Variants in CADM2 observed in about 807,000 individuals in gnomAD.
CADM2 encodes immunoglobulin superfamily member 4D.
A neutral mutation model predicts 49.8 loss-of-function variants in CADM2; 12 were observed. The ratio of observed to expected loss-of-function variants is 0.24; its 90% CI spans 0.15 to 0.39. CADM2 has a LOEUF of 0.39. Ranked by LOEUF, CADM2 falls within the 10% of genes least tolerant of loss-of-function variation. The pLI, the probability that CADM2 is intolerant of heterozygous loss-of-function variation, is 1.00. For missense variants in CADM2, 378 were observed against 492.3 expected (o/e 0.77, Z 2.20); for synonymous variants, 214 against 175.4 (o/e 1.22, Z -1.74).
intron 5 of CADM2, among the ~76,000 whole-genome samples, chr3:85,911,287 A>T (rs1484014512): frequency 6.6e-6 from 1 of 152,174 alleles, no homozygotes; most frequent in East Asian, 1.9e-4. Context: ...CAGCTACTTC[A>T]GACTTGAGAA....
intron 1 of CADM2, among the ~76,000 whole-genome samples, chr3:85,659,076 A>ATAC (rs1489340419): frequency 1.3e-5 from 2 of 148,758 alleles, no homozygotes; most frequent in African/African-American, 4.9e-5. Flanking sequence ...AATAATAATA[A>ATAC]TAATAATAAC....
intron 3 of CADM2, among the ~76,000 whole-genome samples, chr3:85,837,446 AT>A (rs1379991546): frequency 1.3e-5 from 2 of 151,654 alleles, no homozygotes; most frequent in Middle Eastern, 3.2e-3. Context: ...AGATTTCGCA[AT>A]ATTAAGGAAG....
chr3:85,564,951 G>C (rs1335074001), intron 1 of CADM2, among the ~76,000 whole-genome samples: 2 of 152,040 alleles, frequency 1.3e-5, no homozygotes, highest in Admixed American at 1.3e-4. Flanking sequence ...AAAGACACAA[G>C]GTATATAGCT....
intron 1 of CADM2, among the ~76,000 whole-genome samples, chr3:85,420,470 T>C (rs942583221): frequency 1.3e-5 from 2 of 152,180 alleles, no homozygotes; most frequent in African/African-American, 4.8e-5. Context: ...ATGATGAAAT[T>C]TGTAGAATTT....
At chr3:85,054,958 T>C (rs2036023057) in intron 1 of CADM2, among the ~76,000 whole-genome samples, 1 of 151,916 alleles carries the variant, frequency 6.6e-6, no homozygotes. Flanking sequence ...TACCACAGCA[T>C]GCAGTAGTTG....
intron 1 of CADM2, among the ~76,000 whole-genome samples, chr3:85,573,490 C>T (rs1181957054): frequency 1.3e-5 from 2 of 152,256 alleles, no homozygotes; most frequent in South Asian, 2.1e-4. Flanking sequence ...GTGTGAGCCA[C>T]CGCTCCCAGC....
chr3:85,294,541 A>G (rs1388405511), intron 1 of CADM2, among the ~76,000 whole-genome samples: 2 of 152,108 alleles, frequency 1.3e-5, no homozygotes, highest in African/African-American at 4.8e-5. Flanking sequence ...TTCAAACTAT[A>G]CTACAAGGCT....
intron 1 of CADM2, among the ~76,000 whole-genome samples, chr3:85,565,080 C>A (rs1004842095): frequency 4.6e-5 from 7 of 152,032 alleles, no homozygotes; most frequent in Admixed American, 3.9e-4. Flanking sequence ...TTATGGTGTT[C>A]TTAATTGCAG....
chr3:85,146,495 G>A (rs997751376), intron 1 of CADM2, among the ~76,000 whole-genome samples: 4 of 151,928 alleles, frequency 2.6e-5, no homozygotes, highest in African/African-American at 4.8e-5. Context: ...ATTTATTCAC[G>A]TATCATGATA....
intron 3 of CADM2, among the ~76,000 whole-genome samples, chr3:85,846,910 G>A (rs908823850): frequency 1.3e-5 from 2 of 151,922 alleles, no homozygotes; most frequent in African/African-American, 4.8e-5. Context: ...TTTTCCTTTG[G>A]CCATTGAGTG....
chr3:85,251,178 T>G (rs561590035), intron 1 of CADM2, among the ~76,000 whole-genome samples: 1 of 151,988 alleles, frequency 6.6e-6, no homozygotes, highest in African/African-American at 2.4e-5. Context: ...AAAATATAAG[T>G]GTCTGCTACT....
At position 85,128,555 on chromosome 3, in the gene CADM2, G is replaced by C. The variant is rs557381039; in HGVS notation, c.61+168887G>C. ...GTATGAGTTTAATTTGTGTTGTAAA[G>C]GTCTTAGAAGGGTCTGAAAGCCTCA... On this transcript the variant is annotated intron_variant, in intron 1 of 9. Transcript: ENST00000383699. Among the ~76,000 whole-genome samples, 17 of 152,244 alleles carry C rather than the reference G, an allele frequency of 1.1e-4. No homozygotes were observed. The South Asian group carries it at 3.3e-3, about 30-fold the overall frequency.
intron 1 of CADM2, among the ~76,000 whole-genome samples, chr3:85,069,030 T>A (rs1304675535): frequency 6.6e-6 from 1 of 152,118 alleles, no homozygotes; most frequent in Non-Finnish European, 1.5e-5. Context: ...TATTCTATTT[T>A]TATGTTGTGC....
At chr3:85,504,216 T>C (rs558395189) in intron 1 of CADM2, among the ~76,000 whole-genome samples, 5 of 151,858 alleles carry the variant, frequency 3.3e-5, no homozygotes, top group Non-Finnish European at 7.4e-5. Context: ...GCTGCAGACC[T>C]TCGCGGTGAG....
intron 1 of CADM2, among the ~76,000 whole-genome samples, chr3:85,131,670 C>A (rs2039234131): frequency 6.6e-6 from 1 of 152,092 alleles, no homozygotes; most frequent in Non-Finnish European, 1.5e-5. Flanking sequence ...CTAACCATAT[C>A]ATTTTGATTA....
intron 2 of CADM2, among the ~76,000 whole-genome samples, chr3:85,750,468 G>A (rs891409668): frequency 3.3e-4 from 50 of 152,126 alleles, no homozygotes; most frequent in Admixed American, 1.8e-3. Flanking sequence ...TGTCATATTG[G>A]AAATATTCTA....
At chr3:85,444,875 A>G (rs1236629046) in intron 1 of CADM2, among the ~76,000 whole-genome samples, 1 of 152,180 alleles carries the variant, frequency 6.6e-6, no homozygotes, top group Non-Finnish European at 1.5e-5. Context: ...GTCTCTGTCC[A>G]GTGGGAGTTG....
At chr3:85,819,065 T>C (rs564615361) in intron 3 of CADM2, among the ~76,000 whole-genome samples, 1 of 152,148 alleles carries the variant, frequency 6.6e-6, no homozygotes, top group East Asian at 1.9e-4. Context: ...CTTCAGTCTG[T>C]GACCAAAGGC....
At chr3:85,782,674 A>G (rs928170251) in intron 2 of CADM2, among the ~76,000 whole-genome samples, 3 of 151,904 alleles carry the variant, frequency 2.0e-5, no homozygotes, top group Non-Finnish European at 4.4e-5. Flanking sequence ...AAAAGAAAAA[A>G]AAAAGAAAAA....
Sources: gnomAD v4.1 joint callset for allele counts (sites outside exome capture counted in the v4.1 genomes callset) on GRCh38, gnomAD v4.1.1 for gene constraint, MANE v1.5 for transcripts, NCBI Gene and HGNC (gene_info 2026-07-23, HGNC 2026-07-21) for gene names.